UBXN6: variants seen among roughly 807,000 people sequenced by gnomAD.
UBXN6 encodes UBX domain-containing protein 6.
A neutral mutation model predicts 51.4 loss-of-function variants in UBXN6; 44 were observed. The ratio of observed to expected loss-of-function variants is 0.86; its 90% CI spans 0.67 to 1.10. The LOEUF (loss-of-function observed/expected upper bound fraction) is 1.10, where lower values mean the gene tolerates loss of function less well. Among genes scored for constraint, UBXN6 ranks in the 50% least tolerant of loss-of-function variants. The pLI is 0.00. For missense variants in UBXN6, 672 were observed against 596.1 expected (o/e 1.13, Z -1.32); for synonymous variants, 316 against 263.2 (o/e 1.20, Z -1.94).
chr19:4,454,002 C>A lies in UBXN6; in HGVS notation c.175G>T (p.Ala59Ser). Residue 59 changes from alanine (A) to serine (S), a missense_variant, in exon 2 of 11, where the codon GCC (alanine) becomes TCC (serine). Ala to Ser is a moderately conservative substitution (Grantham distance 99). Coordinates refer to ENST00000301281, the MANE Select transcript of UBXN6 (RefSeq NM_025241.3). The stretch of plus-strand genomic sequence containing the variant: ...TGCTTCTGCTCCAGCCGGGCTAGGG[C>A]GGCAGCGGCTGCCATCTGTGCCTCA... ...TNEAQMAAAAALARLEQKQSR... is the reference protein window; with the variant it reads ...TNEAQMAAAASLARLEQKQSR... The A allele has an allele frequency of 6.2e-7, 1 of 1,609,104 alleles. No homozygotes were observed.
chr19:4,448,226 A>C, intron 5 of UBXN6, 92 bp downstream of exon 5: 1 of 1,143,684 alleles, frequency 8.7e-7, no homozygotes, highest in Non-Finnish European at 1.3e-6. Context: ...CTCAGCAGGT[A>C]ATGAGGGGGC....
intron 6 of UBXN6, 161 bp from the exon 7 acceptor site, chr19:4,447,081 T>G: frequency 1.5e-6 from 1 of 654,914 alleles, no homozygotes; most frequent in Non-Finnish European, 2.6e-6. Flanking sequence ...GCAAACCTGC[T>G]TTTCTACGGT....
At chr19:4,450,681 C>T (rs896451030) in intron 4 of UBXN6, 3 of 138,180 alleles carry the variant, frequency 2.2e-5, no homozygotes, top group Admixed American at 8.1e-5. Flanking sequence ...ATGGTGTGAA[C>T]CTCGTAGGCG....
At position 4,447,613 on chromosome 19, in the gene UBXN6, G is replaced by A. The variant is rs752016310; in HGVS notation, c.552C>T (p.Asn184=). ...GVDTIAKYLD[N]IHLHPEEEKY... Reference sequence around the variant, plus strand: ...TCTCCTCCTCGGGGTGCAGGTGGATGTTGTCCAGGTACCTGGGGTAGGTGG... The same window carrying A: ...TCTCCTCCTCGGGGTGCAGGTGGATATTGTCCAGGTACCTGGGGTAGGTGG... The change falls in exon 6 of 11, where the codon AAC becomes AAT. Residue 184 remains asparagine (N), a synonymous_variant. Transcript: ENST00000301281. 2 of 1,613,958 alleles carry A rather than the reference G, an allele frequency of 1.2e-6. No homozygotes were observed.
Position 4,454,087 on chromosome 19 carries a change from C to A in UBXN6, c.90G>T (p.Lys30Asn). The A allele has an allele frequency of 6.4e-7, 1 of 1,551,064 alleles. No homozygotes were observed. Among genetic ancestry groups the A allele is most frequent in the African/African-American group, 1.4e-5 (1 of 72,926 alleles). ...GQKLKESVGE[K>N]AHKEKPNQPA... ...GCTGGTTGGGCTTCTCTTTGTGGGC[C>A]TTTTCCCTGGGAACAGACCGAGGGA... The change falls in exon 2 of 11, where the codon AAG becomes AAT. Residue 30 changes from lysine to asparagine, a missense_variant. By Grantham distance (94) the Lys-to-Asn change is moderately conservative. Coordinates refer to ENST00000301281, the MANE Select transcript of UBXN6 (RefSeq NM_025241.3).
At chr19:4,453,261 T>A (rs1364993981) in intron 3 of UBXN6, among the ~76,000 whole-genome samples, 197 bp downstream of exon 3, 1 of 152,192 alleles carries the variant, frequency 6.6e-6, no homozygotes, top group Non-Finnish European at 1.5e-5. Context: ...TCTCCAGGCC[T>A]GAGCCGGCAT....
At position 4,453,962 on chromosome 19, in the gene UBXN6, C is replaced by T; in HGVS notation, c.215G>A (p.Gly72Asp). Residue 72 changes from glycine to aspartate, a missense_variant, in exon 2 of 11, where the codon GGC (glycine) becomes GAC (aspartate). Coordinates refer to ENST00000301281, the MANE Select transcript of UBXN6 (RefSeq NM_025241.3). ...TCGGATGGTGTCCTGCGATGTGGGG[C>T]CCCAGGCCCGGGACTGCTTCTGCTC... is the stretch of plus-strand genomic sequence containing the variant. Reference protein sequence around the residue: ...RLEQKQSRAWGPTSQDTIRNQ... With the variant: ...RLEQKQSRAWDPTSQDTIRNQ... 6.2e-7 allele frequency: 1 copy of T among 1,611,078 alleles called. No homozygotes were observed. The highest frequency in any genetic ancestry group is 8.5e-7 in the Non-Finnish European group (1 of 1,179,806).
Position 4,446,594 on chromosome 19 carries a change from C to T in UBXN6, c.826G>A (p.Val276Ile), listed in dbSNP as rs762251151. The part of the protein sequence containing the change: ...VRAKLDRQRR[V>I]FQPSPLASQF... ...GAGGCCAGGGGCGAGGGCTGGAAGA[C>T]GCGGCGCTGCCTGTCCAGCTTGGCG... is the stretch of plus-strand genomic sequence containing the variant. Residue 276 changes from valine (V) to isoleucine (I), a missense_variant, in exon 8 of 11, where the codon GTC (valine) becomes ATC (isoleucine). By Grantham distance (29) the Val-to-Ile change is conservative (BLOSUM62 3). Transcript: ENST00000301281. The T allele has an allele frequency of 9.9e-6, 16 of 1,612,504 alleles. No individual in the cohort carries two copies. The highest frequency in any genetic ancestry group is 4.5e-5 in the East Asian group (2 of 44,882).
chr19:4,447,312 G>A, intron 6 of UBXN6: 1 of 581,860 alleles, frequency 1.7e-6, no homozygotes, highest in African/African-American at 1.9e-5. Flanking sequence ...CTGAAGAGGA[G>A]GAAAAGGATG....
At position 4,453,912 on chromosome 19, in the gene UBXN6, A is replaced by T; in HGVS notation, c.247+18T>A. The T allele has an allele frequency of 2.5e-6, 4 of 1,605,910 alleles. No homozygotes were observed. The highest frequency in any genetic ancestry group is 2.5e-6 in the Non-Finnish European group (3 of 1,179,232). On this transcript the variant is annotated intron_variant, in intron 2 of 10. Coordinates refer to ENST00000301281, the MANE Select transcript of UBXN6 (RefSeq NM_025241.3). ...CTCAAACAGCCCCAACCTGGGCCCG[A>T]GGAGGGCCATATCTCACCCTGGTTT...
chr19:4,448,546 C>G, intron 4 of UBXN6, 131 bp from the exon 5 acceptor site: 1 of 742,336 alleles, frequency 1.3e-6, no homozygotes, highest in Admixed American at 2.3e-5. Flanking sequence ...GTGCGCTCAT[C>G]ACAGAAAGGA....
At chr19:4,447,887 A>G (rs1030198144) in intron 5 of UBXN6, 1 of 517,406 alleles carries the variant, frequency 1.9e-6, no homozygotes, top group African/African-American at 1.9e-5. Flanking sequence ...ACAATTAACC[A>G]CAGCGGTGGG....
rs371604650 is a variant in UBXN6, at chr19:4,454,096, G to A, written c.84-3C>T. 9 of 1,544,974 alleles carry A rather than the reference G, an allele frequency of 5.8e-6. No individual in the cohort carries two copies. Among genetic ancestry groups the A allele is most frequent in the Middle Eastern group, 1.7e-4 (1 of 5,754 alleles). The stretch of plus-strand genomic sequence containing the variant: ...GCTTCTCTTTGTGGGCCTTTTCCCT[G>A]GGAACAGACCGAGGGAGAGTGAGTG... On this transcript the variant is annotated splice_polypyrimidine_tract_variant and splice_region_variant and intron_variant, in intron 1 of 10. Coordinates refer to ENST00000301281, the MANE Select transcript of UBXN6 (RefSeq NM_025241.3).
intron 6 of UBXN6, 165 bp downstream of exon 6, chr19:4,447,385 A>G (rs992761528): frequency 2.6e-5 from 18 of 698,054 alleles, no homozygotes; most frequent in Non-Finnish European, 4.2e-5. Flanking sequence ...CTTGCTCTCC[A>G]TCTTGTCCTG....
Position 4,446,349 on chromosome 19 carries a change from G to A in UBXN6, c.985C>T (p.Arg329Trp), listed in dbSNP as rs147364683. The A allele has an allele frequency of 2.7e-5, 42 of 1,571,210 alleles. No homozygotes were observed. Among genetic ancestry groups the A allele is most frequent in the African/African-American group, 2.0e-4 (15 of 74,378 alleles). Residue 329 changes from arginine to tryptophan, a missense_variant, in exon 9 of 11, where the codon CGG (arginine) becomes TGG (tryptophan). Coordinates refer to ENST00000301281, the MANE Select transcript of UBXN6 (RefSeq NM_025241.3). ...TKAMREKEEQ[R>W]GLRKYNYTLL... ...GTGTAGTTGTACTTGCGCAGCCCCC[G>A]CTGCTCCTCCTTCTCCCGCATGGCC...
rs1395096440 is a variant in UBXN6, at chr19:4,445,184, C to G, written c.*314G>C. 1 of 353,046 alleles carries G rather than the reference C, an allele frequency of 2.8e-6. No homozygotes were observed. The allele number at this position is 353,046 out of a possible 1,614,324, so 21.9% of individuals were successfully genotyped here. A position where few individuals can be genotyped will look rare whatever the true frequency, so the allele number is the denominator to read the frequency against. On this transcript the variant is annotated 3_prime_UTR_variant, in exon 11 of 11. Transcript: ENST00000301281. Reference sequence around the variant, plus strand: ...AGGACCCATGCTGCAGGCCTGCTCTCCTGCCCAGGGAGATGCCACGTGTGT... The same window carrying G: ...AGGACCCATGCTGCAGGCCTGCTCTGCTGCCCAGGGAGATGCCACGTGTGT...
chr19:4,456,688 C>G (rs756245428), intron 1 of UBXN6, among the ~76,000 whole-genome samples: 2 of 152,166 alleles, frequency 1.3e-5, no homozygotes, highest in Non-Finnish European at 2.9e-5. Flanking sequence ...CTAGACAATC[C>G]GGAAGCCTGC....
chr19:4,456,746 T>C (rs1234394624), intron 1 of UBXN6, among the ~76,000 whole-genome samples: 2 of 152,114 alleles, frequency 1.3e-5, no homozygotes, highest in Admixed American at 6.5e-5. Flanking sequence ...ATAATCCACT[T>C]GGCACAGTGA....
chr19:4,454,142 C>T (rs878960559), intron 1 of UBXN6, 49 bp from the exon 2 acceptor site: 2 of 1,480,572 alleles, frequency 1.4e-6, no homozygotes, highest in South Asian at 2.7e-5. Context: ...AGGTGGCCGG[C>T]AAAGCTGACG....
Sources: allele counts gnomAD v4.1 joint callset (sites outside exome capture counted in the v4.1 genomes callset), GRCh38; gene constraint gnomAD v4.1.1; transcripts MANE v1.5; gene names NCBI Gene and HGNC (gene_info 2026-07-23, HGNC 2026-07-21).